Variants in LITAF observed in about 807,000 individuals in gnomAD.
LITAF encodes lipopolysaccharide-induced tumor necrosis factor-alpha factor.
LITAF carries 9 observed loss-of-function variants against 14.5 expected under a neutral mutation model. The observed-to-expected ratio is 0.62, with a 90% confidence interval of 0.37 to 1.08. LITAF has a LOEUF of 1.08. Ranked by LOEUF, LITAF falls within the 50% of genes least tolerant of loss-of-function variation. The pLI is 0.01. For synonymous variants in LITAF, 98 were observed against 88.2 expected, an observed-to-expected ratio of 1.11 and a Z score of -0.62; for missense variants, 206 against 213.4, an observed-to-expected ratio of 0.97 and a Z score of 0.22.
chr16:11,567,563 G>C (rs1334500900), intron 1 of LITAF, among the ~76,000 whole-genome samples: 1 of 152,224 alleles, frequency 6.6e-6, no homozygotes, highest in African/African-American at 2.4e-5. Flanking sequence ...CCTCAAGACT[G>C]GTTGGTTCAT....
intron 3 of LITAF, among the ~76,000 whole-genome samples, chr16:11,552,115 C>T (rs1248433553): frequency 6.6e-6 from 1 of 152,114 alleles, no homozygotes; most frequent in Non-Finnish European, 1.5e-5. Context: ...AAATATTGTT[C>T]CTTCTCAACC....
chr16:11,589,356 T>C (rs1354257070), upstream of LITAF, among the ~76,000 whole-genome samples: 1 of 152,162 alleles, frequency 6.6e-6, no homozygotes, highest in Non-Finnish European at 1.5e-5. Context: ...AGACTGGAAG[T>C]TTTACCCCTA....
intron 1 of LITAF, among the ~76,000 whole-genome samples, chr16:11,563,346 C>A (rs1015487472): frequency 1.3e-5 from 2 of 152,030 alleles, no homozygotes; most frequent in African/African-American, 4.8e-5. Flanking sequence ...GACAGGGTTT[C>A]ACCATGTTGG....
chr16:11,627,727 C>A (rs1176371644), intron 3 of LITAF, among the ~76,000 whole-genome samples: 1 of 152,116 alleles, frequency 6.6e-6, no homozygotes, highest in Non-Finnish European at 1.5e-5. Context: ...GCCTGTAGCC[C>A]CAGCTACTCT....
At chr16:11,581,687 G>A (rs993413012) in intron 1 of LITAF, among the ~76,000 whole-genome samples, 2 of 152,014 alleles carry the variant, frequency 1.3e-5, no homozygotes, top group Admixed American at 6.6e-5. Context: ...GTAAAGGAGA[G>A]TTTCTGACAC....
intron 3 of LITAF, among the ~76,000 whole-genome samples, chr16:11,620,703 C>T (rs1248362257): frequency 1.3e-5 from 2 of 152,170 alleles, no homozygotes; most frequent in Admixed American, 1.3e-4. Flanking sequence ...ATCAGCAGCA[C>T]AAGTATGATG....
At chr16:11,621,176 TGCCTTA>T (rs1294305808) in intron 3 of LITAF, among the ~76,000 whole-genome samples, 1 of 152,200 alleles carries the variant, frequency 6.6e-6, no homozygotes, top group African/African-American at 2.4e-5. Flanking sequence ...GTGATTCTCC[TGCCTTA>T]GCCTCCAGAG....
chr16:11,592,042 A>G (rs1474924602), upstream of LITAF, among the ~76,000 whole-genome samples: 1 of 152,246 alleles, frequency 6.6e-6, no homozygotes, highest in East Asian at 1.9e-4. Context: ...GGATCTGACA[A>G]TTGTTTTATA....
chr16:11,635,894 G>A (rs1207157768), exon 2 of LITAF: 2 of 152,342 alleles, frequency 1.3e-5, no homozygotes, highest in African/African-American at 2.4e-5. Flanking sequence ...CATGGGGCCA[G>A]ACTCGGGCTC....
At chr16:11,594,326 C>T (rs1160212883) in intron 1 of LITAF, among the ~76,000 whole-genome samples, 2 of 151,480 alleles carry the variant, frequency 1.3e-5, no homozygotes, top group African/African-American at 4.9e-5. Context: ...TAACATAAAC[C>T]AGGCATCTAT....
chr16:11,618,545 C>T (rs992338001), intron 3 of LITAF, among the ~76,000 whole-genome samples: 2 of 152,196 alleles, frequency 1.3e-5, no homozygotes, highest in African/African-American at 4.8e-5. Context: ...GCTTGATGGG[C>T]TCCCCGGGCT....
At chr16:11,556,401 C>T (rs749160212) in intron 2 of LITAF, 110 bp downstream of exon 2, 51 of 887,966 alleles carry the variant, frequency 5.7e-5, no homozygotes, top group Middle Eastern at 4.5e-4. Flanking sequence ...AAAACTGGAA[C>T]GTACTGGCAC....
At chr16:11,563,565 C>T (rs1023446782) in intron 1 of LITAF, among the ~76,000 whole-genome samples, 2 of 152,104 alleles carry the variant, frequency 1.3e-5, no homozygotes, top group Non-Finnish European at 2.9e-5. Flanking sequence ...CATGAAAGTG[C>T]GTTTACTGTG....
intron 2 of LITAF, among the ~76,000 whole-genome samples, chr16:11,554,456 T>C (rs1030324405): frequency 9.9e-5 from 15 of 152,014 alleles, no homozygotes; most frequent in African/African-American, 3.6e-4. Context: ...GAAAAAGCTA[T>C]GTGAAAACAT....
chr16:11,601,863 G>A (rs2064930109), upstream of LITAF, among the ~76,000 whole-genome samples: 1 of 152,136 alleles, frequency 6.6e-6, no homozygotes, highest in African/African-American at 2.4e-5. Flanking sequence ...CCTGGCCTGT[G>A]GCTTTGTAGT....
intron 1 of LITAF, among the ~76,000 whole-genome samples, chr16:11,572,498 G>GGGACATCACACACCTGCTGACA (rs2064560834): frequency 6.6e-6 from 1 of 151,068 alleles, no homozygotes; most frequent in African/African-American, 2.5e-5. Flanking sequence ...ACCTGCTGAC[G>GGGACATCACACACCTGCTGACA]GGACATCACA....
intron 1 of LITAF, among the ~76,000 whole-genome samples, chr16:11,580,748 AGCCCCAGG>A (rs1353209098): frequency 2.0e-5 from 3 of 152,110 alleles, no homozygotes; most frequent in Non-Finnish European, 4.4e-5. Context: ...TGCCTCCAGG[AGCCCCAGG>A]CCCCTATTCC....
At chr16:11,625,095 A>T (rs1396029817) in intron 3 of LITAF, among the ~76,000 whole-genome samples, 2 of 151,922 alleles carry the variant, frequency 1.3e-5, no homozygotes. Flanking sequence ...GAAGCTGAGA[A>T]CTCAATTTCC....
intron 1 of LITAF, among the ~76,000 whole-genome samples, chr16:11,575,864 TTTC>T (rs2064624436): frequency 6.6e-6 from 1 of 152,186 alleles, no homozygotes; most frequent in Admixed American, 6.5e-5. Flanking sequence ...ACCTTTTTCT[TTTC>T]TTTTTTCTTT....
Sources: allele counts gnomAD v4.1 joint callset (sites outside exome capture counted in the v4.1 genomes callset), GRCh38; gene constraint gnomAD v4.1.1; transcripts MANE v1.5; gene names NCBI Gene and HGNC (gene_info 2026-07-23, HGNC 2026-07-21).